Variants in CADPS observed in about 807,000 individuals in gnomAD.
The protein encoded by CADPS is calcium-dependent secretion activator 1.
CADPS carries 57 observed loss-of-function variants against 167.3 expected under a neutral mutation model. The observed-to-expected ratio is 0.34, with a 90% CI of 0.28 to 0.42. The LOEUF is 0.42. Ranked by LOEUF, CADPS falls within the 20% of genes least tolerant of loss-of-function variation. The probability of loss-of-function intolerance (pLI) is 1.00; values close to 1 mark genes in which losing one functional copy is unlikely to be tolerated. For missense variants in CADPS, 1,414 were observed against 1,738.1 expected, an observed-to-expected ratio of 0.81 and a Z score of 3.32; for synonymous variants, 676 against 635.3, an observed-to-expected ratio of 1.06 and a Z score of -0.96.
rs911272302 is a variant in CADPS, at chr3:62,421,197, G to T, written c.3777+16907C>A. Among the ~76,000 whole-genome samples the T allele has an allele frequency of 1.3e-5, 2 of 152,074 alleles. No individual in the cohort carries two copies. The highest frequency in any genetic ancestry group is 2.9e-5 in the Non-Finnish European group (2 of 68,026). On this transcript the variant is annotated intron_variant, in intron 28 of 29. Coordinates refer to ENST00000383710, the MANE Select transcript of CADPS (RefSeq NM_003716.4). The surrounding 1 kb of genome is among the most constrained non-coding windows in gnomAD (Gnocchi z 4.7). ...CGTGAGGCCCGGATCACTCTGCCTT[G>T]CCGTCAATGCTTCTCGTCCACAAGG...
chr3:62,789,937 C>G (rs1411186742), intron 1 of CADPS, among the ~76,000 whole-genome samples: 2 of 152,030 alleles, frequency 1.3e-5, no homozygotes, highest in African/African-American at 4.8e-5. Flanking sequence ...CTATTCTAAA[C>G]TCTGTGAAAT....
chr3:62,631,072 A>T (rs1458018004), intron 6 of CADPS, among the ~76,000 whole-genome samples: 1 of 152,086 alleles, frequency 6.6e-6, no homozygotes, highest in Non-Finnish European at 1.5e-5. Flanking sequence ...CTTTCCTCAA[A>T]TTATAAATGC....
chr3:62,772,987 A>T (rs1280368509), intron 1 of CADPS, among the ~76,000 whole-genome samples: 4 of 152,152 alleles, frequency 2.6e-5, no homozygotes, highest in Non-Finnish European at 5.9e-5. Context: ...TTTTCTTTTT[A>T]AAAAAGAAAT....
intron 6 of CADPS, among the ~76,000 whole-genome samples, chr3:62,596,000 T>G (rs906890327): frequency 1.3e-5 from 2 of 152,018 alleles, no homozygotes; most frequent in African/African-American, 4.8e-5. Flanking sequence ...CTGGCTCTTC[T>G]TGCTCCTCAG....
At chr3:62,708,925 C>T (rs1427805107) in intron 3 of CADPS, among the ~76,000 whole-genome samples, 1 of 152,006 alleles carries the variant, frequency 6.6e-6, no homozygotes, top group Non-Finnish European at 1.5e-5. Context: ...CAATTAGCTA[C>T]TGGAGCCTCT....
intron 1 of CADPS, among the ~76,000 whole-genome samples, chr3:62,769,281 G>C (rs1179834912): frequency 1.3e-5 from 2 of 151,810 alleles, no homozygotes; most frequent in Non-Finnish European, 1.5e-5. Flanking sequence ...GCCCAGGCTG[G>C]AGTGCAGTGG....
At chr3:62,690,524 C>A (rs1239281147) in intron 3 of CADPS, among the ~76,000 whole-genome samples, 3 of 151,828 alleles carry the variant, frequency 2.0e-5, no homozygotes, top group Admixed American at 1.3e-4. Flanking sequence ...TACAATGCAG[C>A]AGGTCCATTC....
At chr3:62,765,790 T>G (rs1257585637) in intron 2 of CADPS, 81 bp downstream of exon 2, 4 of 791,842 alleles carry the variant, frequency 5.1e-6, no homozygotes, top group African/African-American at 3.4e-5. Flanking sequence ...CCAAAACGAC[T>G]GTCCCCATTG....
intron 3 of CADPS, among the ~76,000 whole-genome samples, chr3:62,734,641 CCTT>C (rs1337214074): frequency 3.3e-5 from 5 of 152,228 alleles, no homozygotes; most frequent in South Asian, 2.1e-4. Context: ...CAGCAGCTGT[CCTT>C]CTTTTTAAAA....
chr3:62,541,330 C>G (rs918025642), intron 11 of CADPS, among the ~76,000 whole-genome samples: 23 of 152,078 alleles, frequency 1.5e-4, no homozygotes, highest in African/African-American at 5.6e-4. Flanking sequence ...ATTCAACACA[C>G]CTTGCAAACA....
At chr3:62,785,105 G>A (rs1232651751) in intron 1 of CADPS, among the ~76,000 whole-genome samples, 1 of 152,178 alleles carries the variant, frequency 6.6e-6, no homozygotes, top group Non-Finnish European at 1.5e-5. Context: ...ACATGAAAGA[G>A]ATTAACCATG....
At chr3:62,659,974 C>T (rs2072771532) in intron 4 of CADPS, among the ~76,000 whole-genome samples, 1 of 152,172 alleles carries the variant, frequency 6.6e-6, no homozygotes, top group Non-Finnish European at 1.5e-5. Flanking sequence ...TCAAGATCCA[C>T]TTTAATTGCC....
chr3:62,728,599 T>C (rs1415955717), intron 3 of CADPS, among the ~76,000 whole-genome samples: 1 of 151,916 alleles, frequency 6.6e-6, no homozygotes, highest in East Asian at 1.9e-4. Flanking sequence ...TTTGGATTCA[T>C]TGTTGTTTCA....
At chr3:62,589,977 G>A (rs2085560995) in intron 7 of CADPS, among the ~76,000 whole-genome samples, 1 of 151,954 alleles carries the variant, frequency 6.6e-6, no homozygotes, top group Non-Finnish European at 1.5e-5. Context: ...ATCACTTCAG[G>A]TTAGCAGTTC....
chr3:62,578,074 T>G lies in CADPS; in HGVS notation c.1577+7111A>C, dbSNP rs147896856. 4.9e-4 allele frequency among the ~76,000 whole-genome samples: 75 copies of G among 152,130 alleles called. 1 individual carries two copies. The highest frequency in any genetic ancestry group is 1.8e-4 in the Non-Finnish European group (12 of 67,990). Reference sequence around the variant, plus strand: ...AACTAAAAGGCAAGGATCTTCAAATTTGAGTTAAAAAGTTAGACCTCACTC... The same window carrying G: ...AACTAAAAGGCAAGGATCTTCAAATGTGAGTTAAAAAGTTAGACCTCACTC... On this transcript the variant is annotated intron_variant, in intron 8 of 29. Transcript: ENST00000383710.
At chr3:62,539,076 C>A (rs1301907895) in intron 11 of CADPS, among the ~76,000 whole-genome samples, 1 of 152,046 alleles carries the variant, frequency 6.6e-6, no homozygotes, top group Non-Finnish European at 1.5e-5. Flanking sequence ...ATAAAACTTC[C>A]TTTTCCCTTC....
intron 11 of CADPS, among the ~76,000 whole-genome samples, chr3:62,539,008 G>A (rs1378254758): frequency 6.6e-6 from 1 of 152,086 alleles, no homozygotes; most frequent in East Asian, 1.9e-4. Flanking sequence ...TTTAAAGCAA[G>A]CTTACAGAAA....
Position 62,493,684 on chromosome 3 carries a change from G to GA in CADPS, c.2707-20dup, listed in dbSNP as rs1312673736. The stretch of plus-strand genomic sequence containing the variant: ...CATGTGGCTGGTTTGCAAATTAAAT[G>GA]AAAAAAATCAAGTCATGGACCATTC... On this transcript the variant is annotated intron_variant, in intron 18 of 29. Transcript: ENST00000383710. 4.1e-5 allele frequency: 64 copies of GA among 1,552,496 alleles called. No homozygotes were observed. Among genetic ancestry groups the GA allele is most frequent in the Non-Finnish European group, 5.5e-5 (63 of 1,146,764 alleles).
At chr3:62,409,480 C>G (rs554470734) in intron 28 of CADPS, among the ~76,000 whole-genome samples, 13 of 152,102 alleles carry the variant, frequency 8.5e-5, no homozygotes, top group Non-Finnish European at 1.5e-4. Flanking sequence ...GGGGGCATCC[C>G]CATGGAAAAC....
Sources: allele counts gnomAD v4.1 joint callset (sites outside exome capture counted in the v4.1 genomes callset), GRCh38; gene constraint gnomAD v4.1.1; non-coding constraint Gnocchi (gnomAD v3.1); transcripts MANE v1.5; gene names NCBI Gene and HGNC (gene_info 2026-07-23, HGNC 2026-07-21).